Variants in VHL observed in about 807,000 individuals in gnomAD.
VHL encodes the protein von Hippel-Lindau disease tumor suppressor.
VHL carries 10 observed loss-of-function variants against 19.2 expected under a neutral mutation model. The observed-to-expected ratio is 0.52, with a 90% CI of 0.32 to 0.89. VHL has a LOEUF of 0.89. Among genes scored for constraint, VHL ranks in the 40% least tolerant of loss-of-function variants. The pLI, the probability that VHL is intolerant of heterozygous loss-of-function variation, is 0.03. For synonymous variants in VHL, 167 were observed against 129.5 expected (o/e 1.29, Z -1.97); for missense variants, 328 against 292.7 (o/e 1.12, Z -0.88).
At chr3:10,143,756 C>G (rs1011714939) in intron 1 of VHL, among the ~76,000 whole-genome samples, 7 of 152,116 alleles carry the variant, frequency 4.6e-5, no homozygotes, top group Non-Finnish European at 5.9e-5. Flanking sequence ...AACGTCCGAC[C>G]GAAAGTTTTT....
intron 1 of VHL, 42 bp downstream of exon 1, chr3:10,142,229 G>T (rs1575922657): frequency 6.3e-7 from 1 of 1,576,264 alleles, no homozygotes; most frequent in Non-Finnish European, 8.6e-7. Context: ...AGGGACGATA[G>T]CACGGTCTGA....
Position 10,152,954 on chromosome 3 carries a change from C to G in VHL, c.*2989C>G, listed in dbSNP as rs1459192239. 1.3e-5 allele frequency among the ~76,000 whole-genome samples: 2 copies of G among 151,388 alleles called. No homozygotes were observed. The highest frequency in any genetic ancestry group is 2.9e-5 in the Non-Finnish European group (2 of 67,934). Reference sequence around the variant, plus strand: ...GGTCAGGAGCTGAAGACCAGCCTGGCTAACATGGTGAAACCTCATCTCCAC... The same window carrying G: ...GGTCAGGAGCTGAAGACCAGCCTGGGTAACATGGTGAAACCTCATCTCCAC... On this transcript the variant is annotated 3_prime_UTR_variant, in exon 3 of 3. Coordinates refer to ENST00000256474, the MANE Select transcript of VHL (RefSeq NM_000551.4).
chr3:10,142,165 C>T lies in VHL; in HGVS notation c.318C>T (p.Gly106=), dbSNP rs1177151702. ...QPYPTLPPGT[G]RRIHSYRGHL... ...ACCCAACGCTGCCGCCTGGCACGGGCCGCCGCATCCACAGCTACCGAGGTA... is the reference window on the plus strand; with the variant it reads ...ACCCAACGCTGCCGCCTGGCACGGGTCGCCGCATCCACAGCTACCGAGGTA... Residue 106 remains glycine, a synonymous_variant, in exon 1 of 3, where the codon GGC becomes GGT. Transcript: ENST00000256474. The T allele has an allele frequency of 1.3e-6, 2 of 1,598,710 alleles. No individual in the cohort carries two copies. Among genetic ancestry groups the T allele is most frequent in the Non-Finnish European group, 8.5e-7 (1 of 1,179,494 alleles).
chr3:10,147,410 G>T (rs926255373), intron 2 of VHL, among the ~76,000 whole-genome samples: 1 of 151,050 alleles, frequency 6.6e-6, no homozygotes, highest in Admixed American at 6.6e-5. Context: ...TGTCATCCAG[G>T]CTGGAGTGCA....
intron 2 of VHL, among the ~76,000 whole-genome samples, chr3:10,147,720 T>G (rs1696298083): frequency 1.3e-5 from 2 of 152,032 alleles, no homozygotes; most frequent in South Asian, 4.1e-4. Context: ...ACTATTTGTT[T>G]GAAGCTCAAA....
rs801913 is a variant in VHL at position 10,152,940 on chromosome 3, G to C, written c.*2975G>C. 0.9 allele frequency among the ~76,000 whole-genome samples: 136,300 copies of C among 151,916 alleles called. 61,337 individuals are homozygous for C. Among genetic ancestry groups the C allele is most frequent in the African/African-American group, 0.96 (39,944 of 41,486 alleles). ...GATGGATCACCTGAGGTCAGGAGCT[G>C]AAGACCAGCCTGGCTAACATGGTGA... On this transcript the variant is annotated 3_prime_UTR_variant, in exon 3 of 3. Coordinates refer to ENST00000256474, the MANE Select transcript of VHL (RefSeq NM_000551.4).
At position 10,153,612 on chromosome 3, in the gene VHL, T is replaced by TG. The variant is rs1202478787; in HGVS notation, c.*3647_*3648insG. Among the ~76,000 whole-genome samples the TG allele has an allele frequency of 3.9e-5, 6 of 152,092 alleles. No individual in the cohort carries two copies. Among genetic ancestry groups the TG allele is most frequent in the African/African-American group, 1.4e-4 (6 of 41,424 alleles). On this transcript the variant is annotated 3_prime_UTR_variant, in exon 3 of 3. Transcript: ENST00000256474. ...AGTTCCTATTTCAAGTTTTTTTTTT[T>TG]TTTTTTTTTTTTAAAGCTGTTTTTT... is the stretch of plus-strand genomic sequence containing the variant.
chr3:10,144,435 C>T (rs1369875375), intron 1 of VHL, among the ~76,000 whole-genome samples: 2 of 151,444 alleles, frequency 1.3e-5, no homozygotes, highest in African/African-American at 4.9e-5. Context: ...ATGATGGTGC[C>T]TCTGAATAGT....
In VHL at chr3:10,152,060, CAAAAAA is replaced by C. The variant is rs757106274; in HGVS notation, c.*2112_*2117del. On this transcript the variant is annotated 3_prime_UTR_variant, in exon 3 of 3. Transcript: ENST00000256474. ...TGGGGGACAGAGCAAGACCCTGCCT[CAAAAAA>C]AAAAAAAAAAAAAAAATCAGGCCGG... is the stretch of plus-strand genomic sequence containing the variant. The C allele has an allele frequency of 1.7e-4, 15 of 89,172 alleles. No homozygotes were observed. The highest frequency in any genetic ancestry group is 9.3e-4 in the East Asian group (3 of 3,238). The allele number at this position is 89,172 out of a possible 1,614,324, so 5.5% of individuals were successfully genotyped here. A position where few individuals can be genotyped will look rare whatever the true frequency, so the allele number is the denominator to read the frequency against.
chr3:10,149,632 A>G (rs1279559019), intron 2 of VHL, among the ~76,000 whole-genome samples, 155 bp from the exon 3 acceptor site: 1 of 152,228 alleles, frequency 6.6e-6, no homozygotes, highest in Non-Finnish European at 1.5e-5. Context: ...GGGGGCCATC[A>G]GCATAACACA....
At chr3:10,142,412 C>T in intron 1 of VHL, 1 of 562,830 alleles carries the variant, frequency 1.8e-6, no homozygotes, top group Non-Finnish European at 3.0e-6. Context: ...GTGGCGCGAT[C>T]TCGACTCACT....
Position 10,151,566 on chromosome 3 carries a change from G to T in VHL, c.*1601G>T. 4.4e-6 allele frequency: 1 copy of T among 225,804 alleles called. No homozygotes were observed. The allele number at this position is 225,804 out of a possible 1,614,324, so 14.0% of individuals were successfully genotyped here. On this transcript the variant is annotated 3_prime_UTR_variant, in exon 3 of 3. Transcript: ENST00000256474. Reference sequence around the variant, plus strand: ...GCCTTTTTAGGGCAGATTTTGGTTGGTTTTTACATAGTTGAGATTGTACTG... The same window carrying T: ...GCCTTTTTAGGGCAGATTTTGGTTGTTTTTTACATAGTTGAGATTGTACTG...
chr3:10,148,774 G>A (rs189039866), intron 2 of VHL, among the ~76,000 whole-genome samples: 3 of 150,252 alleles, frequency 2.0e-5, no homozygotes, highest in South Asian at 2.1e-4. Context: ...TCTGCCTCTC[G>A]GGTTCAAGCG....
In VHL at chr3:10,145,491, A is replaced by T. The variant is rs113225030; in HGVS notation, c.341-1023A>T. ...GAGGCCGAGGCGGGCGGATCATAAG[A>T]TCAGGAGATTGAGACCATCCTGGCT... On this transcript the variant is annotated intron_variant, in intron 1 of 2. Transcript: ENST00000256474. Among the ~76,000 whole-genome samples, 543 of 152,028 alleles carry T rather than the reference A, an allele frequency of 3.6e-3. 4 individuals carry two copies. The highest frequency in any genetic ancestry group is 0.012 in the African/African-American group (518 of 41,470).
intron 1 of VHL, among the ~76,000 whole-genome samples, chr3:10,144,303 T>G (rs1026889093): frequency 2.0e-5 from 1 of 50,666 alleles, no homozygotes; most frequent in African/African-American, 5.3e-5. Context: ...CCTGTCTGTA[T>G]TTAAAAAAAA....
intron 1 of VHL, among the ~76,000 whole-genome samples, chr3:10,143,293 G>A (rs954432843): frequency 6.6e-6 from 1 of 151,956 alleles, no homozygotes; most frequent in African/African-American, 2.4e-5. Context: ...ACCACTCCTG[G>A]CTAATTTTTT....
intron 1 of VHL, among the ~76,000 whole-genome samples, chr3:10,145,323 T>G (rs1696228401): frequency 6.6e-6 from 1 of 152,186 alleles, no homozygotes; most frequent in South Asian, 2.1e-4. Flanking sequence ...AGTGCTATAT[T>G]TATTCTAAGA....
At chr3:10,142,304 C>T (rs1559426292) in intron 1 of VHL, 117 bp downstream of exon 1, 1 of 1,000,666 alleles carries the variant, frequency 1.0e-6, no homozygotes, top group South Asian at 1.5e-5. Flanking sequence ...AGGCAGGACA[C>T]ATCCAGGGTG....
Position 10,150,885 on chromosome 3 carries a change from GTTGTT to G in VHL, c.*938_*942del, listed in dbSNP as rs544983652. 4.0e-5 allele frequency: 9 copies of G among 225,316 alleles called. No homozygotes were observed. The highest frequency in any genetic ancestry group is 8.9e-5 in the African/African-American group (4 of 44,970). 14.0% of individuals were successfully genotyped at this position (225,316 alleles called of 1,614,324 possible). On this transcript the variant is annotated 3_prime_UTR_variant, in exon 3 of 3. Transcript: ENST00000256474. The stretch of plus-strand genomic sequence containing the variant: ...GATTGATTTGGGTTTTTTTGTTGTT[GTTGTT>G]TTGTTTTGTTTTGTTTTTTTGAGAT...
Sources: gnomAD v4.1 joint callset for allele counts (sites outside exome capture counted in the v4.1 genomes callset) on GRCh38, gnomAD v4.1.1 for gene constraint, MANE v1.5 for transcripts, NCBI Gene and HGNC (gene_info 2026-07-23, HGNC 2026-07-21) for gene names.